Variants in PRDM15 observed in about 807,000 individuals in gnomAD.
PRDM15 encodes the protein PR domain zinc finger protein 15.
PRDM15 carries 64 observed loss-of-function variants against 128.6 expected under a neutral mutation model. That is an observed-to-expected ratio of 0.50 (90% CI 0.41 to 0.61). The LOEUF is 0.61. Among genes scored for constraint, PRDM15 ranks in the 20% least tolerant of loss-of-function variants. The pLI is 0.00. For missense variants in PRDM15, 1,242 were observed against 1,569.1 expected, an observed-to-expected ratio of 0.79 and a Z score of 3.52; for synonymous variants, 615 against 621.8, an observed-to-expected ratio of 0.99 and a Z score of 0.16.
intron 13 of PRDM15, among the ~76,000 whole-genome samples, chr21:41,824,540 T>TTGCA (rs1264061778): frequency 4.4e-4 from 67 of 151,728 alleles, no homozygotes; most frequent in Middle Eastern, 3.4e-3. Flanking sequence ...ACAGATTGTT[T>TTGCA]GCACAAACAA....
At position 41,828,920 on chromosome 21, in the gene PRDM15, TCAA is replaced by T. The variant is rs1177692753; in HGVS notation, c.1367-590_1367-588del. Among the ~76,000 whole-genome samples the T allele has an allele frequency of 2.0e-5, 3 of 146,880 alleles. No homozygotes were observed. The highest frequency in any genetic ancestry group is 6.8e-5 in the Admixed American group (1 of 14,794). On this transcript the variant is annotated intron_variant, in intron 11 of 23. Transcript: ENST00000398548. This position sits in a 1 kb window ranked among gnomAD's most constrained non-coding sequence, Gnocchi z 5.7. ...ACACACCACACAAATACAAACACACTCAACACACACCCCCCACACAAATACACA... is the reference window on the plus strand; with the variant it reads ...ACACACCACACAAATACAAACACACTCACACACCCCCCACACAAATACACA...
At chr21:41,805,304 G>A (rs2061528172) in intron 21 of PRDM15, among the ~76,000 whole-genome samples, 3 of 152,224 alleles carry the variant, frequency 2.0e-5, no homozygotes, top group East Asian at 1.9e-4. Flanking sequence ...TACAGAGACA[G>A]CCGAACGTGA....
At position 41,835,417 on chromosome 21, in the gene PRDM15, G is replaced by C. The variant is rs367633936; in HGVS notation, c.1366+20C>G. On this transcript the variant is annotated intron_variant, in intron 11 of 23. Transcript: ENST00000398548. The stretch of plus-strand genomic sequence containing the variant: ...CCGTACCGCACAGCGGCCGAGGGGA[G>C]ACGTGACCGGCGCCCTCACCTGTCC... 2.5e-6 allele frequency: 4 copies of C among 1,596,192 alleles called. No individual in the cohort carries two copies. Among genetic ancestry groups the C allele is most frequent in the Non-Finnish European group, 2.6e-6 (3 of 1,171,246 alleles).
rs1352128294 is a variant in PRDM15 at position 41,814,232 on chromosome 21, T to C, written c.2392+1473A>G. On this transcript the variant is annotated intron_variant, in intron 19 of 23. Transcript: ENST00000398548. ...TTATGAGAATGCCTCGTGTTAGTGA[T>C]TGCGCAGGGTGCCCTAGTGTTTTAT... 1.1e-4 allele frequency: 7 copies of C among 63,272 alleles called. 2 individuals are homozygous for C. Among genetic ancestry groups the C allele is most frequent in the African/African-American group, 3.1e-4 (5 of 15,956 alleles). 3.9% of individuals were successfully genotyped at this position (63,272 alleles called of 1,614,324 possible). A position where few individuals can be genotyped will look rare whatever the true frequency, so the allele number is the denominator to read the frequency against.
rs751925272 is a variant in PRDM15 at position 41,804,581 on chromosome 21, G to A, written c.2686C>T (p.Leu896Phe). The A allele has an allele frequency of 6.4e-7, 1 of 1,571,260 alleles. No homozygotes were observed. The highest frequency in any genetic ancestry group is 8.6e-7 in the Non-Finnish European group (1 of 1,158,132). The change falls in exon 22 of 24, where the codon CTC (leucine) becomes TTC (phenylalanine). Residue 896 changes from leucine to phenylalanine, a missense_variant. Physicochemically the swap from Leu to Phe is conservative, Grantham distance 22. Around this residue, in one of 3 missense-constraint regions of PRDM15, gnomAD observed 602 missense variants for 788.3 expected, o/e 0.76. Transcript: ENST00000398548. The part of the protein sequence containing the change: ...LAVRIDDLDH[L>F]PETTTIDASS... ...GCGTCGATGGTGGTGGTCTCCGGGA[G>A]GTGGTCCAGGTCATCGATCCTCACC...
In PRDM15 at chr21:41,839,827, C is replaced by T. The variant is rs767555869; in HGVS notation, c.667G>A (p.Ala223Thr). The change falls in exon 7 of 24, where the codon GCC becomes ACC. Residue 223 changes from alanine (A) to threonine (T), a missense_variant. By Grantham distance (58) the Ala-to-Thr change is moderately conservative. Coordinates refer to ENST00000398548, the MANE Select transcript of PRDM15 (RefSeq NM_001040424.3). ...NEHLLGHLEQ[A>T]KSLPPGSQSE... ...TGGCTGCCTGGAGGAAGGCTTTTGG[C>T]TTGTTCTAAGTGGCCCAACAGATGT... 6.2e-7 allele frequency: 1 copy of T among 1,614,244 alleles called. No homozygotes were observed.
chr21:41,810,623 C>A lies in PRDM15; in HGVS notation c.2476+130G>T, dbSNP rs912835590. 1.8e-4 allele frequency: 138 copies of A among 753,600 alleles called. No individual in the cohort carries two copies. Among genetic ancestry groups the A allele is most frequent in the Middle Eastern group, 1.1e-3 (3 of 2,720 alleles). The allele number at this position is 753,600 out of a possible 1,614,324, so 46.7% of individuals were successfully genotyped here. ...CAGAGGCCAAGGGGCCACCATGAAGCCAAGACAACACTAAATGTGCTGGAA... is the reference window on the plus strand; with the variant it reads ...CAGAGGCCAAGGGGCCACCATGAAGACAAGACAACACTAAATGTGCTGGAA... On this transcript the variant is annotated intron_variant, in intron 20 of 23. Coordinates refer to ENST00000398548, the MANE Select transcript of PRDM15 (RefSeq NM_001040424.3). The surrounding 1 kb of genome is among the most constrained non-coding windows in gnomAD (Gnocchi z 6.4).
chr21:41,867,156 A>C (rs2064038533), intron 1 of PRDM15: 1 of 636,090 alleles, frequency 1.6e-6, no homozygotes, highest in Middle Eastern at 4.4e-4. Flanking sequence ...CTCACTGACT[A>C]TCTGAGTTTT....
At chr21:41,874,046 T>C (rs1041664876) in intron 1 of PRDM15, among the ~76,000 whole-genome samples, 1 of 133,032 alleles carries the variant, frequency 7.5e-6, no homozygotes, top group Non-Finnish European at 1.5e-5. Context: ...CCAGCCTAGG[T>C]GACGAAGCAA....
At chr21:41,852,168 C>A (rs1418272505) in intron 5 of PRDM15, among the ~76,000 whole-genome samples, 3 of 152,234 alleles carry the variant, frequency 2.0e-5, no homozygotes, top group Non-Finnish European at 4.4e-5. Flanking sequence ...ACACCTGTAG[C>A]TCCAATAAGG....
chr21:41,834,495 G>A (rs1388643333), intron 11 of PRDM15: 16 of 1,549,908 alleles, frequency 1.0e-5, no homozygotes, highest in Non-Finnish European at 1.3e-5. Flanking sequence ...GGTGGGCGTC[G>A]AAGGCTAACC....
At position 41,828,479 on chromosome 21, in the gene PRDM15, G is replaced by T; in HGVS notation, c.1367-146C>A. ...CGTGGCCAGGAAGAAAACAGCACCT[G>T]TGTGTCATACACTGTCTACCCCAGG... On this transcript the variant is annotated intron_variant, in intron 11 of 23. Coordinates refer to ENST00000398548, the MANE Select transcript of PRDM15 (RefSeq NM_001040424.3). The surrounding 1 kb of genome is among the most constrained non-coding windows in gnomAD (Gnocchi z 5.7). 1 of 795,122 alleles carries T rather than the reference G, an allele frequency of 1.3e-6. No individual in the cohort carries two copies. Among genetic ancestry groups the T allele is most frequent in the Non-Finnish European group, 2.1e-6 (1 of 467,114 alleles). The allele number at this position is 795,122 out of a possible 1,614,324, so 49.3% of individuals were successfully genotyped here. A position where few individuals can be genotyped will look rare whatever the true frequency, so the allele number is the denominator to read the frequency against.
rs75890324 is a variant in PRDM15, at chr21:41,810,995, G to A, written c.2393-159C>T. 4,882 of 603,170 alleles carry A rather than the reference G, an allele frequency of 8.1e-3. 171 individuals carry two copies. The highest frequency in any genetic ancestry group is 0.077 in the African/African-American group (4,189 of 54,736). The allele number at this position is 603,170 out of a possible 1,614,324, so 37.4% of individuals were successfully genotyped here. A position where few individuals can be genotyped will look rare whatever the true frequency, so the allele number is the denominator to read the frequency against. The stretch of plus-strand genomic sequence containing the variant: ...ACAATGAACGCTCATCCCCAGCCTC[G>A]GCCAGCAAAGTGTGGCTTGGAAAGT... On this transcript the variant is annotated intron_variant, in intron 19 of 23. Transcript: ENST00000398548. The surrounding 1 kb of genome is among the most constrained non-coding windows in gnomAD (Gnocchi z 6.4).
rs997100543 is a variant in PRDM15, at chr21:41,832,601, C to A, written c.1366+2836G>T. ...TGAACAGCATAGGTGAGCCTCCCTC[C>A]CAGCCAGGCACTAAAGAGCACAGGT... On this transcript the variant is annotated intron_variant, in intron 11 of 23. Transcript: ENST00000398548. The surrounding 1 kb of genome is among the most constrained non-coding windows in gnomAD (Gnocchi z 4.2). 6.6e-6 allele frequency among the ~76,000 whole-genome samples: 1 copy of A among 152,176 alleles called. No homozygotes were observed. The highest frequency in any genetic ancestry group is 2.1e-4 in the South Asian group (1 of 4,828).
rs187577564 is a variant in PRDM15 at position 41,871,491 on chromosome 21, C to A, written c.-10+7779G>T. The A allele has an allele frequency of 2.5e-4, 392 of 1,595,390 alleles. No individual in the cohort carries two copies. In the African/African-American group the frequency reaches 4.3e-3, roughly 18 times the overall value. ...CCTTCCTCCCCTACTGGAGTGAGCC[C>A]ACCAGGAGGTAGGGCAGGATTGCGT... is the stretch of plus-strand genomic sequence containing the variant. On this transcript the variant is annotated intron_variant, in intron 1 of 23. Transcript: ENST00000398548.
In PRDM15 at chr21:41,836,645, T is replaced by C; in HGVS notation, c.1006A>G (p.Thr336Ala). Residue 336 changes from threonine to alanine, a missense_variant, in exon 9 of 24, where the codon ACC becomes GCC. Coordinates refer to ENST00000398548, the MANE Select transcript of PRDM15 (RefSeq NM_001040424.3). ...GTGATGGTGTTATTCTGATGATGGGTGAACCTGCCCAGGGACGTCAATAAG... is the reference window on the plus strand; with the variant it reads ...GTGATGGTGTTATTCTGATGATGGGCGAACCTGCCCAGGGACGTCAATAAG... ...TTDTSSVPKF[T>A]HHQNNTITLK... The C allele has an allele frequency of 6.3e-7, 1 of 1,595,266 alleles. No homozygotes were observed. Among genetic ancestry groups the C allele is most frequent in the East Asian group, 2.3e-5 (1 of 44,198 alleles).
At chr21:41,873,440 C>A (rs376718783) in intron 1 of PRDM15, among the ~76,000 whole-genome samples, 1 of 152,214 alleles carries the variant, frequency 6.6e-6, no homozygotes, top group African/African-American at 2.4e-5. Flanking sequence ...CAGCTTCCAG[C>A]GTCGTGGCTG....
chr21:41,802,164 C>A (rs749361753), intron 23 of PRDM15, among the ~76,000 whole-genome samples: 5 of 152,150 alleles, frequency 3.3e-5, no homozygotes, highest in Admixed American at 1.3e-4. Context: ...AAATGAGGAA[C>A]TTTTGCAGTC....
intron 6 of PRDM15, among the ~76,000 whole-genome samples, chr21:41,841,839 C>T (rs1021087985): frequency 1.3e-5 from 2 of 152,192 alleles, no homozygotes; most frequent in South Asian, 2.1e-4. Flanking sequence ...GCTCCCACTA[C>T]AGAGGCAGAT....
Sources: gnomAD v4.1 joint callset for allele counts (sites outside exome capture counted in the v4.1 genomes callset) on GRCh38, gnomAD v4.1.1 for gene constraint, gnomAD v4.1.1 regional missense constraint, Gnocchi (gnomAD v3.1) non-coding constraint, MANE v1.5 for transcripts, NCBI Gene and HGNC (gene_info 2026-07-23, HGNC 2026-07-21) for gene names.